Variants in IGF1R observed in about 807,000 individuals in gnomAD.
IGF1R encodes the protein insulin-like growth factor 1 receptor.
IGF1R carries 44 observed loss-of-function variants against 144.6 expected under a neutral mutation model. The observed-to-expected ratio is 0.30, with a 90% CI of 0.24 to 0.39. The LOEUF is 0.39. IGF1R is among the 10% of genes least tolerant of loss of function. The probability of loss-of-function intolerance (pLI) is 1.00; values close to 1 mark genes in which losing one functional copy is unlikely to be tolerated. For missense variants in IGF1R, 1,355 were observed against 1,833.7 expected (o/e 0.74, Z 4.77); for synonymous variants, 795 against 722.8 (o/e 1.10, Z -1.60).
At chr15:98,915,588 G>T (rs1260602725) in intron 8 of IGF1R, among the ~76,000 whole-genome samples, 1 of 152,146 alleles carries the variant, frequency 6.6e-6, no homozygotes, top group Non-Finnish European at 1.5e-5. Flanking sequence ...ACCAGTTGTC[G>T]AAATTGCCGG....
In IGF1R at chr15:98,935,061, A is replaced by G; in HGVS notation, c.3186+8A>G. On this transcript the variant is annotated splice_region_variant and intron_variant, in intron 16 of 20. Coordinates refer to ENST00000650285, the MANE Select transcript of IGF1R (RefSeq NM_000875.5). This position sits in a 1 kb window ranked among gnomAD's most constrained non-coding sequence, Gnocchi z 4.2. Reference sequence around the variant, plus strand: ...TTCAATTGTCACCATGTGGTAAGAGAAAGTTCCTGAAAAGCCAAAATGCAG... The same window carrying G: ...TTCAATTGTCACCATGTGGTAAGAGGAAGTTCCTGAAAAGCCAAAATGCAG... 5 of 1,608,916 alleles carry G rather than the reference A, an allele frequency of 3.1e-6. No homozygotes were observed. The highest frequency in any genetic ancestry group is 4.3e-6 in the Non-Finnish European group (5 of 1,175,340).
At chr15:98,737,688 GT>G (rs1362653949) in intron 2 of IGF1R, among the ~76,000 whole-genome samples, 1 of 152,230 alleles carries the variant, frequency 6.6e-6, no homozygotes, top group Non-Finnish European at 1.5e-5. Flanking sequence ...AGAAAAGCAG[GT>G]TTGAGAAAAG....
At chr15:98,758,084 C>T (rs2055199534) in intron 2 of IGF1R, among the ~76,000 whole-genome samples, 1 of 152,188 alleles carries the variant, frequency 6.6e-6, no homozygotes, top group East Asian at 1.9e-4. Flanking sequence ...TGTCTTTTCA[C>T]TCATGGATTC....
rs1239496047 is a variant in IGF1R at position 98,957,504 on chromosome 15, G to C, written c.*62G>C. ...GCGCACGCGCAGCGGGGTGGGGGGG[G>C]AGAGAGAGTTTTAACAATCCATTCA... On this transcript the variant is annotated 3_prime_UTR_variant, in exon 21 of 21. Transcript: ENST00000650285. 8 of 1,596,444 alleles carry C rather than the reference G, an allele frequency of 5.0e-6. No homozygotes were observed. The East Asian group carries it at 1.3e-4, about 27-fold the overall frequency.
intron 2 of IGF1R, among the ~76,000 whole-genome samples, chr15:98,749,113 TA>T (rs1434400613): frequency 6.6e-6 from 1 of 152,200 alleles, no homozygotes; most frequent in Non-Finnish European, 1.5e-5. Context: ...TTTCCTTGTT[TA>T]AAAAATTTCA....
At chr15:98,793,705 A>G (rs944646135) in intron 2 of IGF1R, among the ~76,000 whole-genome samples, 1 of 152,238 alleles carries the variant, frequency 6.6e-6, no homozygotes, top group African/African-American at 2.4e-5. Context: ...TGAAAGAAAT[A>G]TCTTTTGCCT....
chr15:98,810,741 GGTTTCACCGTGTTA>G (rs913484656), intron 2 of IGF1R, among the ~76,000 whole-genome samples: 1 of 151,532 alleles, frequency 6.6e-6, no homozygotes, highest in Non-Finnish European at 1.5e-5. Flanking sequence ...GTAGAGACGG[GGTTTCACCGTGTTA>G]GCCAGGATGG....
rs544491567 is a variant in IGF1R, at chr15:98,687,043, C to A, written c.95-20519C>A. On this transcript the variant is annotated intron_variant, in intron 1 of 20. Transcript: ENST00000650285. ...AGAGGAGAGGGAGCATGTGAAAAAA[C>A]CTAAAGGTTTTGGGAGGAGGAGGAG... Among the ~76,000 whole-genome samples, 149 of 152,040 alleles carry A rather than the reference C, an allele frequency of 9.8e-4. 1 individual carries two copies. The highest frequency in any genetic ancestry group is 3.3e-3 in the African/African-American group (137 of 41,460).
chr15:98,921,331 C>CA (rs2015476300), intron 10 of IGF1R, among the ~76,000 whole-genome samples: 1 of 152,220 alleles, frequency 6.6e-6, no homozygotes, highest in African/African-American at 2.4e-5. Flanking sequence ...TAGAGGGTCG[C>CA]ACCCTCATGC....
chr15:98,896,884 C>T lies in IGF1R; in HGVS notation c.1081C>T (p.Leu361Phe), dbSNP rs759721978. 4 of 1,614,078 alleles carry T rather than the reference C, an allele frequency of 2.5e-6. No individual in the cohort carries two copies. The highest frequency in any genetic ancestry group is 8.5e-7 in the Non-Finnish European group (1 of 1,179,964). The change falls in exon 4 of 21, where the codon CTC becomes TTC. Residue 361 changes from leucine to phenylalanine, a missense_variant. Physicochemically the swap from Leu to Phe is conservative, Grantham distance 22 (BLOSUM62 0). Transcript: ENST00000650285. The part of the protein sequence containing the change: ...QGCTIFKGNL[L>F]INIRRGNNIA... ...ATGCACCATCTTCAAGGGCAATTTG[C>T]TCATTAACATCCGACGGGGGAGTAA... is the stretch of plus-strand genomic sequence containing the variant.
rs113954980 is a variant in IGF1R at position 98,758,403 on chromosome 15, T to G, written c.640+50296T>G. ...TCCTCAGTGGGTCATGGTTTTTCTTTGCTTGCCGATGGCTGCCCTCAGCCG... is the reference window on the plus strand; with the variant it reads ...TCCTCAGTGGGTCATGGTTTTTCTTGGCTTGCCGATGGCTGCCCTCAGCCG... On this transcript the variant is annotated intron_variant, in intron 2 of 20. Coordinates refer to ENST00000650285, the MANE Select transcript of IGF1R (RefSeq NM_000875.5). Among the ~76,000 whole-genome samples the G allele has an allele frequency of 6.4e-3, 972 of 152,226 alleles. 17 individuals are homozygous for G. Among genetic ancestry groups the G allele is most frequent in the South Asian group, 0.058 (277 of 4,814 alleles).
intron 1 of IGF1R, among the ~76,000 whole-genome samples, chr15:98,659,302 T>G (rs945824378): frequency 6.6e-6 from 1 of 152,226 alleles, no homozygotes; most frequent in Non-Finnish European, 1.5e-5. Flanking sequence ...AGAGATCTGT[T>G]TATTACACTT....
chr15:98,730,278 C>T (rs2054468107), intron 2 of IGF1R, among the ~76,000 whole-genome samples: 1 of 151,862 alleles, frequency 6.6e-6, no homozygotes, highest in African/African-American at 2.4e-5. Context: ...TAGATATACA[C>T]CATGATCCCA....
intron 2 of IGF1R, among the ~76,000 whole-genome samples, chr15:98,759,417 G>T (rs2055238793): frequency 6.6e-6 from 1 of 152,216 alleles, no homozygotes; most frequent in Admixed American, 6.5e-5. Context: ...AGGAAGTCAG[G>T]ATGTTAGTGC....
chr15:98,943,094 C>T lies in IGF1R; in HGVS notation c.3587+42C>T, dbSNP rs45486600. ...TGCATTGCCAGCCTGGAGCCCCCAG[C>T]CTCTGCACTTTCCACCAGCTCAGTC... is the stretch of plus-strand genomic sequence containing the variant. On this transcript the variant is annotated intron_variant, in intron 19 of 20. Coordinates refer to ENST00000650285, the MANE Select transcript of IGF1R (RefSeq NM_000875.5). The T allele has an allele frequency of 4.9e-4, 792 of 1,611,788 alleles. 3 individuals carry two copies. In the African/African-American group the frequency reaches 9.3e-3, roughly 19 times the overall value.
chr15:98,675,444 C>G (rs2053011418), intron 1 of IGF1R, among the ~76,000 whole-genome samples: 1 of 152,062 alleles, frequency 6.6e-6, no homozygotes, highest in Admixed American at 6.5e-5. Context: ...ATAAATATTG[C>G]CAAAATATTT....
At chr15:98,670,982 A>G (rs905409294) in intron 1 of IGF1R, among the ~76,000 whole-genome samples, 1 of 152,112 alleles carries the variant, frequency 6.6e-6, no homozygotes, top group African/African-American at 2.4e-5. Context: ...GAAGTTTTCT[A>G]TTGAGTTGTC....
At position 98,661,956 on chromosome 15, in the gene IGF1R, C is replaced by CTT. The variant is rs869208651; in HGVS notation, c.94+12306_94+12307dup. Among the ~76,000 whole-genome samples, 504 of 105,666 alleles carry CTT rather than the reference C, an allele frequency of 4.8e-3. 37 individuals carry two copies. The highest frequency in any genetic ancestry group is 0.014 in the East Asian group (51 of 3,776). The allele number at this position is 105,666 out of a possible 152,430, so 69.3% of individuals were successfully genotyped here. On this transcript the variant is annotated intron_variant, in intron 1 of 20. Transcript: ENST00000650285. ...GAATTGCTGCCAGTTGAATAGGGCC[C>CTT]TTTTTTTTTTTTTTTTTTTTTTTTT...
At chr15:98,956,994 C>A (rs975989631) in intron 20 of IGF1R, 67 bp from the exon 21 acceptor site, 2 of 1,573,886 alleles carry the variant, frequency 1.3e-6, no homozygotes, top group Non-Finnish European at 8.7e-7. Flanking sequence ...CTGCAGGCGG[C>A]CCATGAAGCC....
Sources: gnomAD v4.1 joint callset for allele counts (sites outside exome capture counted in the v4.1 genomes callset) on GRCh38, gnomAD v4.1.1 for gene constraint, Gnocchi (gnomAD v3.1) non-coding constraint, MANE v1.5 for transcripts, NCBI Gene and HGNC (gene_info 2026-07-23, HGNC 2026-07-21) for gene names.